The following C6orf89 variants were observed in gnomAD, a reference collection of about 807,000 sequenced individuals.
C6orf89 encodes the protein bombesin receptor-activated protein C6orf89.
C6orf89 carries 29 observed loss-of-function variants against 40.7 expected under a neutral mutation model. That is an observed-to-expected ratio of 0.71 (90% CI 0.53 to 0.97). The LOEUF (loss-of-function observed/expected upper bound fraction) is 0.97. Ranked by LOEUF, C6orf89 falls within the 50% of genes least tolerant of loss-of-function variation. C6orf89 has a pLI of 0.00. For synonymous variants in C6orf89, 165 were observed against 152.2 expected, an observed-to-expected ratio of 1.08 and a Z score of -0.62; for missense variants, 392 against 429.1, an observed-to-expected ratio of 0.91 and a Z score of 0.76.
intron 2 of C6orf89, among the ~76,000 whole-genome samples, chr6:36,896,749 C>G (rs1761443968): frequency 6.6e-6 from 1 of 152,066 alleles, no homozygotes; most frequent in Admixed American, 6.6e-5. Flanking sequence ...CATGAAGCCT[C>G]CCTCTCTGTG....
At chr6:36,908,906 G>A (rs976065261) in intron 4 of C6orf89, among the ~76,000 whole-genome samples, 1 of 152,068 alleles carries the variant, frequency 6.6e-6, no homozygotes, top group Non-Finnish European at 1.5e-5. Context: ...TTATCTTCAC[G>A]TGGCCATCTG....
intron 1 of C6orf89, among the ~76,000 whole-genome samples, chr6:36,875,847 C>T (rs11751790): frequency 0.19 from 29,653 of 152,148 alleles, 3,726 homozygotes; most frequent in East Asian, 0.36. Flanking sequence ...GTGCTCTTAA[C>T]GACAGTTCAA....
intron 8 of C6orf89, among the ~76,000 whole-genome samples, chr6:36,922,269 G>C (rs538976082): frequency 3.3e-5 from 5 of 152,092 alleles, no homozygotes; most frequent in African/African-American, 1.2e-4. Context: ...GAACCTGGGA[G>C]GTGGAGGTTG....
chr6:36,882,400 C>T (rs1774837427), upstream of C6orf89, among the ~76,000 whole-genome samples: 1 of 152,212 alleles, frequency 6.6e-6, no homozygotes, highest in Non-Finnish European at 1.5e-5. Flanking sequence ...GCTATCAGTG[C>T]TATGCACCTA....
intron 1 of C6orf89, among the ~76,000 whole-genome samples, chr6:36,889,289 G>C (rs1035638995): frequency 6.8e-4 from 103 of 152,334 alleles, no homozygotes; most frequent in African/African-American, 2.2e-3. Flanking sequence ...TGTGGCCTCA[G>C]TGAAAGCAAT....
At chr6:36,903,560 C>T (rs1275326269) in intron 4 of C6orf89, among the ~76,000 whole-genome samples, 9 of 151,916 alleles carry the variant, frequency 5.9e-5, no homozygotes, top group South Asian at 4.2e-4. Context: ...CCTGGGTTCA[C>T]GCCATTCTCC....
At chr6:36,876,157 G>C (rs911135485) in intron 1 of C6orf89, among the ~76,000 whole-genome samples, 17 of 152,268 alleles carry the variant, frequency 1.1e-4, no homozygotes, top group Non-Finnish European at 2.1e-4. Flanking sequence ...TTGTTAAGTT[G>C]CCTTTCTCTG....
intron 4 of C6orf89, among the ~76,000 whole-genome samples, chr6:36,907,116 T>C (rs1272142031): frequency 2.0e-5 from 3 of 152,114 alleles, no homozygotes; most frequent in Non-Finnish European, 4.4e-5. Flanking sequence ...TCAGTAAATG[T>C]TTATTGAGAC....
rs1029859530 is a variant in C6orf89, at chr6:36,923,867, CT to C, written c.*427del. On this transcript the variant is annotated 3_prime_UTR_variant, in exon 9 of 9. Coordinates refer to ENST00000480824, the MANE Select transcript of C6orf89 (RefSeq NM_001286635.2). ...CTTTACCAGGTGGGCCTGCTTGTCC[CT>C]GTCTTGCCTGCCACATCACTCTACT... 1 of 270,880 alleles carries C rather than the reference CT, an allele frequency of 3.7e-6. No individual in the cohort carries two copies. Among genetic ancestry groups the C allele is most frequent in the Non-Finnish European group, 7.3e-6 (1 of 136,910 alleles). 16.8% of individuals were successfully genotyped at this position (270,880 alleles called of 1,614,324 possible).
chr6:36,896,032 A>G (rs911520598), intron 2 of C6orf89, among the ~76,000 whole-genome samples: 2 of 152,190 alleles, frequency 1.3e-5, no homozygotes, highest in Non-Finnish European at 2.9e-5. Context: ...ATGTGAAATG[A>G]TATCTCACTG....
At chr6:36,915,656 T>C (rs1477903562) in intron 6 of C6orf89, among the ~76,000 whole-genome samples, 2 of 150,128 alleles carry the variant, frequency 1.3e-5, no homozygotes, top group African/African-American at 4.9e-5. Context: ...CAGTAAGCCA[T>C]GATCATACCA....
rs144844111 is a variant in C6orf89, at chr6:36,899,597, C to T, written c.153C>T (p.Pro51=). 11 of 1,613,954 alleles carry T rather than the reference C, an allele frequency of 6.8e-6. No individual in the cohort carries two copies. The African/African-American group carries it at 1.1e-4, about 16-fold the overall frequency. The change falls in exon 3 of 9, where the codon CCC becomes CCT. Residue 51 remains proline, a synonymous_variant. Transcript: ENST00000480824. ...TGGAAAAGAATGAACCTCAGAGACC[C>T]CCCCCGCAGTATCCTCTCCTTATAG... The part of the protein sequence containing the change: ...QLLEKNEPQR[P]PPQYPLLIVV...
intron 1 of C6orf89, chr6:36,874,953 G>A: frequency 4.7e-6 from 3 of 641,928 alleles, no homozygotes; most frequent in East Asian, 2.9e-5. Flanking sequence ...GGTGGGAGAC[G>A]AGAAGAAGCT....
At chr6:36,904,044 C>T (rs1302764902) in intron 4 of C6orf89, among the ~76,000 whole-genome samples, 2 of 152,250 alleles carry the variant, frequency 1.3e-5, no homozygotes, top group East Asian at 3.9e-4. Flanking sequence ...TCAGTTAGGC[C>T]AGTCTGTGCC....
intron 2 of C6orf89, among the ~76,000 whole-genome samples, chr6:36,897,192 A>G (rs1444370207): frequency 6.6e-6 from 1 of 151,758 alleles, no homozygotes; most frequent in Admixed American, 6.6e-5. Context: ...TCATTTGTGG[A>G]TATCCAGTGG....
chr6:36,897,325 T>C (rs1486550419), intron 2 of C6orf89, among the ~76,000 whole-genome samples: 1 of 152,192 alleles, frequency 6.6e-6, no homozygotes. Flanking sequence ...AGTTTCACAG[T>C]TGATTCTTCA....
Position 36,894,536 on chromosome 6 carries a change from A to T in C6orf89, c.-87A>T, listed in dbSNP as rs953047987. 8.1e-6 allele frequency: 8 copies of T among 985,412 alleles called. No homozygotes were observed. The highest frequency in any genetic ancestry group is 9.6e-6 in the Non-Finnish European group (8 of 829,912). The allele number at this position is 985,412 out of a possible 1,614,324, so 61.0% of individuals were successfully genotyped here. ...TGTAGTCAATCATTTTCCAGTTCTCAGCCGCTCAGTTGTGATCAAGGGACA... is the reference window on the plus strand; with the variant it reads ...TGTAGTCAATCATTTTCCAGTTCTCTGCCGCTCAGTTGTGATCAAGGGACA... On this transcript the variant is annotated 5_prime_UTR_variant, in exon 2 of 9. Coordinates refer to ENST00000480824, the MANE Select transcript of C6orf89 (RefSeq NM_001286635.2).
chr6:36,891,227 AGTGAGAACATACGGT>A (rs1300316221), intron 1 of C6orf89, among the ~76,000 whole-genome samples: 1 of 152,082 alleles, frequency 6.6e-6, no homozygotes, highest in African/African-American at 2.4e-5. Flanking sequence ...CCCACCTATG[AGTGAGAACATACGGT>A]GTTTGGTTTT....
chr6:36,901,318 A>ATTTTTTTTTTTTTTTTTTTTTTT lies in C6orf89; in HGVS notation c.190-901_190-900insTTTTTTTTTTTTTTTTTTTTTTT, dbSNP rs1408790414. 2.1e-4 allele frequency among the ~76,000 whole-genome samples: 14 copies of ATTTTTTTTTTTTTTTTTTTTTTT among 65,132 alleles called. 1 individual carries two copies. The highest frequency in any genetic ancestry group is 3.3e-4 in the Non-Finnish European group (11 of 33,422). 42.7% of individuals were successfully genotyped at this position (65,132 alleles called of 152,430 possible). On this transcript the variant is annotated intron_variant, in intron 3 of 8. Coordinates refer to ENST00000480824, the MANE Select transcript of C6orf89 (RefSeq NM_001286635.2). The stretch of plus-strand genomic sequence containing the variant: ...TATTATTATTATTATTATTATTATT[A>ATTTTTTTTTTTTTTTTTTTTTTT]TTATTTTTTTTTTTTTTTTTTTTTT...
Sources: allele counts gnomAD v4.1 joint callset (sites outside exome capture counted in the v4.1 genomes callset), GRCh38; gene constraint gnomAD v4.1.1; transcripts MANE v1.5; gene names NCBI Gene and HGNC (gene_info 2026-07-23, HGNC 2026-07-21).